NCKAP1L: variants seen among roughly 807,000 people sequenced by gnomAD.
NCKAP1L encodes nck-associated protein 1-like.
In NCKAP1L, 53 loss-of-function variants were observed where a neutral mutation model predicts 139.2. That is an observed-to-expected ratio of 0.38 (90% CI 0.31 to 0.48). NCKAP1L has a LOEUF of 0.48. Among genes scored for constraint, NCKAP1L ranks in the 20% least tolerant of loss-of-function variants. NCKAP1L has a pLI of 0.98. For synonymous variants in NCKAP1L, 468 were observed against 499.7 expected (o/e 0.94, Z 0.85); for missense variants, 1,151 against 1,381.9 (o/e 0.83, Z 2.65).
At chr12:54,538,466 A>C (rs750402691) in intron 29 of NCKAP1L, among the ~76,000 whole-genome samples, 17 of 152,306 alleles carry the variant, frequency 1.1e-4, no homozygotes, top group Non-Finnish European at 2.1e-4. Flanking sequence ...TGACTGGAGA[A>C]TACCACGAGC....
At position 54,537,061 on chromosome 12, in the gene NCKAP1L, G is replaced by T; in HGVS notation, c.3183+8G>T. 6.4e-7 allele frequency: 1 copy of T among 1,566,234 alleles called. No homozygotes were observed. Among genetic ancestry groups the T allele is most frequent in the Non-Finnish European group, 8.8e-7 (1 of 1,137,084 alleles). ...CTCAAGGAATTTCTGGTGGTGAGTG[G>T]GTCTAGGTTATAAAGAATGGAAGAT... On this transcript the variant is annotated splice_region_variant and intron_variant, in intron 29 of 30. Coordinates refer to ENST00000293373, the MANE Select transcript of NCKAP1L (RefSeq NM_005337.5).
chr12:54,526,504 AT>A (rs368111457), intron 20 of NCKAP1L, 23 bp from the exon 21 acceptor site: 36,537 of 1,002,680 alleles, frequency 0.036, no homozygotes, highest in Non-Finnish European at 0.042. Context: ...TGTAATTCTA[AT>A]TTTTTTTTTT....
At chr12:54,531,640 A>G in intron 24 of NCKAP1L, 56 bp downstream of exon 24, 2 of 1,604,440 alleles carry the variant, frequency 1.2e-6, no homozygotes, top group Non-Finnish European at 1.7e-6. Flanking sequence ...ATTGCAGATG[A>G]CAGGGTTTTC....
intron 11 of NCKAP1L, 37 bp downstream of exon 11, chr12:54,517,029 A>C: frequency 1.3e-6 from 2 of 1,560,014 alleles, no homozygotes; most frequent in Non-Finnish European, 1.8e-6. Flanking sequence ...AATGATGGCC[A>C]GTGATAAGAG....
intron 3 of NCKAP1L, among the ~76,000 whole-genome samples, chr12:54,506,439 G>A (rs1321886483): frequency 6.6e-6 from 1 of 151,496 alleles, no homozygotes; most frequent in Admixed American, 6.6e-5. Flanking sequence ...GTCTTGCTCT[G>A]TCACCCAGGC....
intron 16 of NCKAP1L, among the ~76,000 whole-genome samples, chr12:54,519,658 T>C (rs1198257135): frequency 6.6e-6 from 1 of 152,106 alleles, no homozygotes; most frequent in Non-Finnish European, 1.5e-5. Flanking sequence ...GTTGCTGTTT[T>C]TGAGATCTCC....
chr12:54,525,868 A>G (rs76662907), intron 20 of NCKAP1L, among the ~76,000 whole-genome samples: 3,329 of 152,266 alleles, frequency 0.022, 54 homozygotes, highest in East Asian at 0.038. Context: ...GTGAAATCTC[A>G]GATACTTGGG....
intron 22 of NCKAP1L, among the ~76,000 whole-genome samples, chr12:54,530,789 A>G (rs1233708726): frequency 6.6e-6 from 1 of 152,078 alleles, no homozygotes; most frequent in East Asian, 1.9e-4. Flanking sequence ...TTATCCATAT[A>G]TTTTCCAAAG....
chr12:54,514,606 AG>A (rs1956916181), intron 9 of NCKAP1L, among the ~76,000 whole-genome samples: 1 of 152,326 alleles, frequency 6.6e-6, no homozygotes, highest in East Asian at 1.9e-4. Flanking sequence ...TACAGGCGTG[AG>A]CCACCGCGCC....
At chr12:54,507,074 A>G (rs567930419) in intron 3 of NCKAP1L, among the ~76,000 whole-genome samples, 63 of 151,648 alleles carry the variant, frequency 4.2e-4, no homozygotes, top group Non-Finnish European at 7.7e-4. Flanking sequence ...ATTTTGTAAC[A>G]CAAATAATGA....
Position 54,499,340 on chromosome 12 carries a change from G to A in NCKAP1L, c.103-15G>A. 2 of 1,368,418 alleles carry A rather than the reference G, an allele frequency of 1.5e-6. No homozygotes were observed. The allele number at this position is 1,368,418 out of a possible 1,614,324, so 84.8% of individuals were successfully genotyped here. A position where few individuals can be genotyped will look rare whatever the true frequency, so the allele number is the denominator to read the frequency against. ...GAGGAGAAAGGGTTGAAATATATAT[G>A]GTTTCTCTCTGCAGACTTGTTCAGA... On this transcript the variant is annotated splice_polypyrimidine_tract_variant and intron_variant, in intron 1 of 30. Coordinates refer to ENST00000293373, the MANE Select transcript of NCKAP1L (RefSeq NM_005337.5).
Position 54,546,068 on chromosome 12 carries a change from C to CA in NCKAP1L, c.*3389dup, listed in dbSNP as rs1215295470. The CA allele has an allele frequency of 6.6e-6, 1 of 152,090 alleles. No homozygotes were observed. Among genetic ancestry groups the CA allele is most frequent in the African/African-American group, 2.4e-5 (1 of 41,400 alleles). 9.4% of individuals were successfully genotyped at this position (152,090 alleles called of 1,614,324 possible). On this transcript the variant is annotated 3_prime_UTR_variant, in exon 31 of 31. Coordinates refer to ENST00000293373, the MANE Select transcript of NCKAP1L (RefSeq NM_005337.5). ...GTGAAACCCTGTCTCTCCAAAAATACAAAAAATTAGCTGGGCATGGTGGCT... is the reference window on the plus strand; with the variant it reads ...GTGAAACCCTGTCTCTCCAAAAATACAAAAAAATTAGCTGGGCATGGTGGCT...
chr12:54,502,394 C>T (rs1179417383), intron 3 of NCKAP1L, among the ~76,000 whole-genome samples: 6 of 152,124 alleles, frequency 3.9e-5, no homozygotes, highest in Non-Finnish European at 7.4e-5. Context: ...AAGTATTTTT[C>T]CACAATATTT....
intron 30 of NCKAP1L, 113 bp from the exon 31 acceptor site, chr12:54,542,462 T>C (rs879793087): frequency 3.1e-5 from 24 of 777,706 alleles, no homozygotes; most frequent in Non-Finnish European, 4.9e-5. Context: ...TGGAACCCTG[T>C]TCACTTGTAA....
rs1957112044 is a variant in NCKAP1L at position 54,536,263 on chromosome 12, T to G, written c.3073+18T>G. The G allele has an allele frequency of 1.3e-6, 2 of 1,524,312 alleles. No individual in the cohort carries two copies. The highest frequency in any genetic ancestry group is 1.8e-6 in the Non-Finnish European group (2 of 1,099,782). The allele number at this position is 1,524,312 out of a possible 1,614,324, so 94.4% of individuals were successfully genotyped here. A position where few individuals can be genotyped will look rare whatever the true frequency, so the allele number is the denominator to read the frequency against. On this transcript the variant is annotated intron_variant, in intron 28 of 30. Coordinates refer to ENST00000293373, the MANE Select transcript of NCKAP1L (RefSeq NM_005337.5). Reference sequence around the variant, plus strand: ...GAAGGATGGTAAGTAAGGGGTAGGTTTGAGACACCAGTGCTATTCAAGTTA... The same window carrying G: ...GAAGGATGGTAAGTAAGGGGTAGGTGTGAGACACCAGTGCTATTCAAGTTA...
intron 11 of NCKAP1L, 66 bp downstream of exon 11, chr12:54,517,058 A>G: frequency 7.3e-7 from 1 of 1,363,040 alleles, no homozygotes; most frequent in Non-Finnish European, 1.0e-6. Flanking sequence ...GCTACGTGGC[A>G]CTCACGAGAT....
At chr12:54,519,436 T>A (rs1311703056) in intron 16 of NCKAP1L, 104 bp downstream of exon 16, 1 of 974,150 alleles carries the variant, frequency 1.0e-6, no homozygotes, top group Non-Finnish European at 1.4e-6. Context: ...TTAATTTTTT[T>A]TTTTTTTTTT....
rs1203577662 is a variant in NCKAP1L, at chr12:54,517,794, T to C, written c.1206-12T>C. ...GTCTTATTCATCTCTGTTCTCATCCTAAACTTTATAGGAGCATTGCAGAGC... is the reference window on the plus strand; with the variant it reads ...GTCTTATTCATCTCTGTTCTCATCCCAAACTTTATAGGAGCATTGCAGAGC... On this transcript the variant is annotated splice_polypyrimidine_tract_variant and intron_variant, in intron 12 of 30. Coordinates refer to ENST00000293373, the MANE Select transcript of NCKAP1L (RefSeq NM_005337.5). 1 of 1,613,954 alleles carries C rather than the reference T, an allele frequency of 6.2e-7. No homozygotes were observed. Among genetic ancestry groups the C allele is most frequent in the Non-Finnish European group, 8.5e-7 (1 of 1,179,928 alleles).
intron 30 of NCKAP1L, among the ~76,000 whole-genome samples, chr12:54,539,924 G>T (rs891733299): frequency 6.6e-6 from 1 of 152,178 alleles, no homozygotes; most frequent in Non-Finnish European, 1.5e-5. Flanking sequence ...CCCAAGGGAC[G>T]TGTGGCTGGA....
Sources: gnomAD v4.1 joint callset for allele counts (sites outside exome capture counted in the v4.1 genomes callset) on GRCh38, gnomAD v4.1.1 for gene constraint, MANE v1.5 for transcripts, NCBI Gene and HGNC (gene_info 2026-07-23, HGNC 2026-07-21) for gene names.